The following COL6A5 variants were observed in gnomAD, a reference collection of about 807,000 sequenced individuals.
COL6A5 encodes collagen alpha-5(VI) chain.
A neutral mutation model predicts 65.6 loss-of-function variants in COL6A5; 48 were observed. That is an observed-to-expected ratio of 0.73 (90% CI 0.58 to 0.93). The LOEUF is 0.93. Ranked by LOEUF, COL6A5 falls within the 40% of genes least tolerant of loss-of-function variation. The pLI is 0.00. For synonymous variants in COL6A5, 291 were observed against 322.8 expected (o/e 0.90, Z 1.05); for missense variants, 914 against 928.3 (o/e 0.98, Z 0.20).
intron 7 of COL6A5, chr3:130,477,332 T>C (rs1297799677): frequency 2.6e-6 from 1 of 382,518 alleles, no homozygotes; most frequent in Non-Finnish European, 4.7e-6. Context: ...AAATCCATTA[T>C]ATCAAATTAT....
exon 4 of COL6A5, chr3:130,379,848 A>G: frequency 3.2e-6 from 5 of 1,551,406 alleles, no homozygotes; most frequent in Non-Finnish European, 4.4e-6. Context: ...TGGAGGATGT[A>G]AACGTGTTTG....
chr3:130,412,548 G>T (rs1937210615), intron 20 of COL6A5, among the ~76,000 whole-genome samples: 1 of 152,162 alleles, frequency 6.6e-6, no homozygotes, highest in Non-Finnish European at 1.5e-5. Context: ...TTTTATCCTT[G>T]CTTTTTAATG....
At chr3:130,380,049 T>G (rs1329940620) in exon 4 of COL6A5, 2 of 1,499,754 alleles carry the variant, frequency 1.3e-6, no homozygotes, top group Non-Finnish European at 1.8e-6. Context: ...TTGATAAAAC[T>G]GGTATGTTTT....
chr3:130,401,174 G>T lies in COL6A5; in HGVS notation c.4134+1G>T. 6.5e-7 allele frequency: 1 copy of T among 1,533,272 alleles called. No individual in the cohort carries two copies. Among genetic ancestry groups the T allele is most frequent in the South Asian group, 1.2e-5 (1 of 80,082 alleles). 95.0% of individuals were successfully genotyped at this position (1,533,272 alleles called of 1,614,324 possible). On this transcript the variant is annotated splice_donor_variant and NMD_transcript_variant, in intron 11 of 41. Coordinates refer to the COL6A5 transcript ENST00000312481. ...GGGCAAAAAACTATCACAGTACCTG[G>T]TGAGTTGTTGAACAAAATCCCCGGT...
chr3:130,385,432 G>C (rs1182292335), intron 5 of COL6A5, 68 bp downstream of exon 5: 14 of 1,439,316 alleles, frequency 9.7e-6, no homozygotes, highest in Non-Finnish European at 1.3e-5. Context: ...TAATGGCCAG[G>C]CTGAGACAAG....
At chr3:130,460,944 G>T (rs1273442304) in intron 5 of COL6A5, among the ~76,000 whole-genome samples, 1 of 151,958 alleles carries the variant, frequency 6.6e-6, no homozygotes, top group East Asian at 1.9e-4. Flanking sequence ...TGATGGCTGT[G>T]GTGGTAGTGG....
chr3:130,346,674 C>A (rs1934489596), intron 1 of COL6A5, among the ~76,000 whole-genome samples: 1 of 152,114 alleles, frequency 6.6e-6, no homozygotes, highest in South Asian at 2.1e-4. Flanking sequence ...TCTCAGGATC[C>A]CCAAGCTGGT....
intron 1 of COL6A5, among the ~76,000 whole-genome samples, chr3:130,433,455 G>T (rs1002997760): frequency 6.6e-6 from 1 of 152,152 alleles, no homozygotes; most frequent in Admixed American, 6.5e-5. Context: ...GAAGCTATCT[G>T]GTTCTCATCA....
chr3:130,362,318 ATATATATATTTTTT>A (rs1239159435), intron 1 of COL6A5, among the ~76,000 whole-genome samples: 589 of 4,326 alleles, frequency 0.14, 24 homozygotes, highest in East Asian at 0.43. Flanking sequence ...ATATATATAT[ATATATATATTTTTT>A]TTTTTTTTTT....
chr3:130,471,109 G>C (rs1393775694), intron 7 of COL6A5, 142 bp downstream of exon 39: 1 of 634,572 alleles, frequency 1.6e-6, no homozygotes, highest in African/African-American at 1.8e-5. Context: ...TGTTTTAAAT[G>C]CTACTCGTTT....
intron 5 of COL6A5, among the ~76,000 whole-genome samples, chr3:130,387,721 G>T (rs552147513): frequency 6.6e-6 from 1 of 152,134 alleles, no homozygotes; most frequent in East Asian, 1.9e-4. Flanking sequence ...GGGAGAAACT[G>T]TAAGAGGATG....
At chr3:130,414,096 G>C in exon 22 of COL6A5, 1 of 1,550,908 alleles carries the variant, frequency 6.4e-7, no homozygotes, top group South Asian at 1.2e-5. Flanking sequence ...TGGACCTACA[G>C]GCACATTGGG....
At chr3:130,349,180 A>G (rs888737564) in intron 1 of COL6A5, among the ~76,000 whole-genome samples, 6 of 152,244 alleles carry the variant, frequency 3.9e-5, no homozygotes, top group African/African-American at 1.4e-4. Context: ...GTGACACCTC[A>G]AACGTTCTCT....
At chr3:130,449,736 C>A (rs575730258) in intron 4 of COL6A5, among the ~76,000 whole-genome samples, 3 of 152,178 alleles carry the variant, frequency 2.0e-5, no homozygotes, top group East Asian at 3.9e-4. Flanking sequence ...GGGCCACGTG[C>A]CTTATCTCCT....
exon 1 of COL6A5, chr3:130,431,728 A>G (rs1227831647): frequency 3.9e-6 from 6 of 1,551,550 alleles, no homozygotes; most frequent in Non-Finnish European, 5.2e-6. Flanking sequence ...TCAAGACACC[A>G]CAGAGCCCCG....
At chr3:130,467,283 G>T (rs186200010) in intron 5 of COL6A5, among the ~76,000 whole-genome samples, 11 of 151,934 alleles carry the variant, frequency 7.2e-5, no homozygotes, top group African/African-American at 2.4e-4. Flanking sequence ...AAGAAGAGCT[G>T]GTTAATGGGC....
intron 6 of COL6A5, among the ~76,000 whole-genome samples, 196 bp from the exon 39 acceptor site, chr3:130,470,675 T>A (rs1454210748): frequency 6.6e-6 from 1 of 152,092 alleles, no homozygotes; most frequent in Non-Finnish European, 1.5e-5. Context: ...GAATTATTTA[T>A]TCAATGACTG....
chr3:130,419,088 T>G (rs1937449967), intron 25 of COL6A5, among the ~76,000 whole-genome samples, 157 bp downstream of exon 25: 2 of 152,080 alleles, frequency 1.3e-5, no homozygotes, highest in South Asian at 4.1e-4. Context: ...CCTAAAGCTC[T>G]CATTCCATAG....
At chr3:130,364,458 T>C (rs1299204495) in intron 1 of COL6A5, among the ~76,000 whole-genome samples, 2 of 152,136 alleles carry the variant, frequency 1.3e-5, no homozygotes, top group Non-Finnish European at 2.9e-5. Flanking sequence ...ACCAAACATA[T>C]ACACACAAAT....
Sources: gnomAD v4.1 joint callset for allele counts (sites outside exome capture counted in the v4.1 genomes callset) on GRCh38, gnomAD v4.1.1 for gene constraint, MANE v1.5 for transcripts, NCBI Gene and HGNC (gene_info 2026-07-23, HGNC 2026-07-21) for gene names.